Variants in ATAD2B observed in about 807,000 individuals in gnomAD.
ATAD2B encodes the protein ATPase family AAA domain containing 2B.
ATAD2B carries 40 observed loss-of-function variants against 167.6 expected under a neutral mutation model. The observed-to-expected ratio is 0.24, with a 90% CI of 0.19 to 0.31. The LOEUF (loss-of-function observed/expected upper bound fraction) is 0.31, where lower values mean the gene tolerates loss of function less well. Ranked by LOEUF, ATAD2B falls within the 10% of genes least tolerant of loss-of-function variation. ATAD2B has a pLI of 1.00. For missense variants in ATAD2B, 1,242 were observed against 1,757.2 expected, an observed-to-expected ratio of 0.71 and a Z score of 5.24; for synonymous variants, 579 against 596.5, an observed-to-expected ratio of 0.97 and a Z score of 0.43.
chr2:23,879,506 T>C (rs1051158191), intron 7 of ATAD2B, among the ~76,000 whole-genome samples: 16 of 152,000 alleles, frequency 1.1e-4, no homozygotes, highest in Non-Finnish European at 2.9e-5. Context: ...ATACAAGGAA[T>C]TGAGGTAGGA....
chr2:23,888,748 T>C (rs1441056658), intron 2 of ATAD2B, among the ~76,000 whole-genome samples: 1 of 152,196 alleles, frequency 6.6e-6, no homozygotes, highest in Non-Finnish European at 1.5e-5. Flanking sequence ...TTTTGGTTGA[T>C]GAAATAAAAT....
chr2:23,856,749 A>G (rs1244355715), intron 13 of ATAD2B, among the ~76,000 whole-genome samples: 1 of 152,016 alleles, frequency 6.6e-6, no homozygotes, highest in Non-Finnish European at 1.5e-5. Context: ...AATCCCAGCT[A>G]CTTGGGAGGC....
intron 1 of ATAD2B, among the ~76,000 whole-genome samples, chr2:23,900,051 G>A (rs1700630781): frequency 6.7e-6 from 1 of 149,554 alleles, no homozygotes; most frequent in African/African-American, 2.5e-5. Flanking sequence ...CCAAGTAGCT[G>A]GGATTACAGG....
intron 1 of ATAD2B, among the ~76,000 whole-genome samples, chr2:23,897,834 T>C (rs1351506422): frequency 2.0e-5 from 3 of 152,210 alleles, no homozygotes; most frequent in Non-Finnish European, 4.4e-5. Flanking sequence ...TCTTAGTCAA[T>C]GATAGTATTT....
intron 1 of ATAD2B, among the ~76,000 whole-genome samples, chr2:23,910,876 A>G (rs1170484540): frequency 4.0e-5 from 6 of 150,184 alleles, no homozygotes; most frequent in Non-Finnish European, 8.9e-5. Context: ...TCAAAAAAAT[A>G]TATAGGGTAA....
chr2:23,805,930 G>A lies in ATAD2B; in HGVS notation c.2454+4386C>T, dbSNP rs999623671. On this transcript the variant is annotated intron_variant, in intron 18 of 27. Transcript: ENST00000238789. ...ATTTTGCCAATTTTTATATTAGATT[G>A]CTATTCTTTCTTCTTACTGATTTTA... is the stretch of plus-strand genomic sequence containing the variant. Among the ~76,000 whole-genome samples the A allele has an allele frequency of 7.9e-5, 12 of 151,348 alleles. 1 individual carries two copies. The highest frequency in any genetic ancestry group is 2.9e-4 in the African/African-American group (12 of 41,228).
At chr2:23,696,341 G>T in the ATAD2B span, 1 of 1,551,556 alleles carries the variant, frequency 6.4e-7, no homozygotes, top group Non-Finnish European at 8.7e-7. The surrounding 1 kb of genome is among the most constrained non-coding windows in gnomAD (Gnocchi z 5.5). Flanking sequence ...AGGTGGGATG[G>T]AATCAGGGGT....
the ATAD2B span, among the ~76,000 whole-genome samples, chr2:23,711,663 G>T: frequency 6.6e-6 from 1 of 151,960 alleles, no homozygotes; most frequent in South Asian, 2.1e-4. Flanking sequence ...GAGCCACTGC[G>T]CCTGGCCCTT....
the ATAD2B span, among the ~76,000 whole-genome samples, chr2:23,743,141 CAAA>C: frequency 3.1e-5 from 4 of 127,184 alleles, no homozygotes; most frequent in Admixed American, 8.0e-5. Context: ...GATGTTCGCC[CAAA>C]AAAAAAAAAA....
the ATAD2B span, among the ~76,000 whole-genome samples, chr2:23,695,425 G>A: frequency 3.3e-5 from 5 of 151,910 alleles, no homozygotes; most frequent in African/African-American, 9.7e-5. This position sits in a 1 kb window ranked among gnomAD's most constrained non-coding sequence, Gnocchi z 7.6. Flanking sequence ...GCACCCCTGC[G>A]CTCCCGGCCC....
chr2:23,687,798 G>A, the ATAD2B span, among the ~76,000 whole-genome samples: 1 of 152,338 alleles, frequency 6.6e-6, no homozygotes, highest in Non-Finnish European at 1.5e-5. Flanking sequence ...CGTTGCTGCA[G>A]GGCCGGGTAT....
At chr2:23,689,962 C>G in the ATAD2B span, 1 of 152,362 alleles carries the variant, frequency 6.6e-6, no homozygotes, top group Non-Finnish European at 1.5e-5. Flanking sequence ...GGAGTCCACA[C>G]CTTGCCCCCT....
the ATAD2B span, among the ~76,000 whole-genome samples, chr2:23,680,736 CCCTGGGGTCTCTAGGCCATCTTCT>C: frequency 3.2e-3 from 467 of 144,454 alleles, 6 homozygotes; most frequent in Middle Eastern, 0.011. The surrounding 1 kb of genome is among the most constrained non-coding windows in gnomAD (Gnocchi z 4.1). Flanking sequence ...GGCCATCTTC[CCCTGGGGTCTCTAGGCCATCTTCT>C]CCTGGGGTCT....
intron 22 of ATAD2B, among the ~76,000 whole-genome samples, chr2:23,778,639 T>C (rs925900449): frequency 6.6e-6 from 1 of 152,226 alleles, no homozygotes; most frequent in African/African-American, 2.4e-5. Context: ...GCTACTCTGC[T>C]AAAGGCTTAA....
At chr2:23,838,164 T>C (rs6719830) in intron 13 of ATAD2B, among the ~76,000 whole-genome samples, 67,267 of 152,028 alleles carry the variant, frequency 0.44, 15,934 homozygotes, top group East Asian at 0.78. Flanking sequence ...GAAGGAAGGA[T>C]GTGTGATTCT....
chr2:23,767,417 T>C (rs1214082667), intron 22 of ATAD2B, among the ~76,000 whole-genome samples: 2 of 152,162 alleles, frequency 1.3e-5, no homozygotes, highest in South Asian at 4.1e-4. Flanking sequence ...ACTCCATCTG[T>C]AAGGGTGCAC....
the ATAD2B span, among the ~76,000 whole-genome samples, chr2:23,701,793 C>CTTTTTTTTTTTTTTTTTT: frequency 4.4e-5 from 1 of 22,544 alleles, no homozygotes; most frequent in Admixed American, 7.3e-4. Flanking sequence ...CTTTTTTTTG[C>CTTTTTTTTTTTTTTTTTT]TTTTTTTTTT....
At chr2:23,818,090 ACAC>A (rs1488534902) in intron 17 of ATAD2B, among the ~76,000 whole-genome samples, 3,635 of 82,776 alleles carry the variant, frequency 0.044, 260 homozygotes, top group African/African-American at 0.14. Flanking sequence ...ACACACACAC[ACAC>A]ATTACACACA....
At chr2:23,914,403 G>C (rs1250201693) in intron 1 of ATAD2B, among the ~76,000 whole-genome samples, 2 of 151,826 alleles carry the variant, frequency 1.3e-5, no homozygotes, top group South Asian at 2.1e-4. Flanking sequence ...TAGCAAAATG[G>C]GCAAAAACAA....
Sources: gnomAD v4.1 joint callset for allele counts (sites outside exome capture counted in the v4.1 genomes callset) on GRCh38, gnomAD v4.1.1 for gene constraint, Gnocchi (gnomAD v3.1) non-coding constraint, MANE v1.5 for transcripts, NCBI Gene and HGNC (gene_info 2026-07-23, HGNC 2026-07-21) for gene names.